The following GALK2 variants were observed in gnomAD, a reference collection of about 807,000 sequenced individuals.
GALK2 encodes N-acetylgalactosamine kinase.
GALK2 carries 36 observed loss-of-function variants against 52.4 expected under a neutral mutation model. That is an observed-to-expected ratio of 0.69 (90% CI 0.53 to 0.91). The LOEUF (loss-of-function observed/expected upper bound fraction) is 0.91, where lower values mean the gene tolerates loss of function less well. Among genes scored for constraint, GALK2 ranks in the 40% least tolerant of loss-of-function variants. The probability of loss-of-function intolerance (pLI) is 0.00; values close to 1 mark genes in which losing one functional copy is unlikely to be tolerated. For missense variants in GALK2, 579 were observed against 559.1 expected, an observed-to-expected ratio of 1.04 and a Z score of -0.36; for synonymous variants, 176 against 199.1, an observed-to-expected ratio of 0.88 and a Z score of 0.98.
intron 3 of GALK2, among the ~76,000 whole-genome samples, chr15:49,343,025 C>T (rs1160371488): frequency 6.6e-6 from 1 of 152,094 alleles, no homozygotes; most frequent in Non-Finnish European, 1.5e-5. Flanking sequence ...TAGTATCTCA[C>T]AGGTGTTCTC....
At chr15:49,265,717 C>G (rs1315422943) in intron 5 of GALK2, among the ~76,000 whole-genome samples, 1 of 152,210 alleles carries the variant, frequency 6.6e-6, no homozygotes, top group Admixed American at 6.5e-5. Context: ...CATCTTTGCT[C>G]CTGCCCCAGT....
At position 49,331,755 on chromosome 15, in the gene GALK2, A is replaced by G; in HGVS notation, c.*3596A>G. The stretch of plus-strand genomic sequence containing the variant: ...AAAAGAAGCTAGAGAGAGAATTCTC[A>G]ATTATTTTCAGAAAGAAAACCTACC... On this transcript the variant is annotated 3_prime_UTR_variant, in exon 10 of 10. Transcript: ENST00000560031. The G allele has an allele frequency of 7.1e-7, 1 of 1,407,146 alleles. No homozygotes were observed. The highest frequency in any genetic ancestry group is 1.0e-6 in the Non-Finnish European group (1 of 991,898). 87.2% of individuals were successfully genotyped at this position (1,407,146 alleles called of 1,614,324 possible). A position where few individuals can be genotyped will look rare whatever the true frequency, so the allele number is the denominator to read the frequency against.
At chr15:49,334,185 CT>C, downstream of GALK2, 2 of 885,652 alleles carry the variant, frequency 2.3e-6, no homozygotes, top group South Asian at 1.0e-4. Context: ...TAAAGATGAT[CT>C]TAAGCACTAC....
At chr15:49,335,482 G>T (rs1001343679), downstream of GALK2, 1 of 1,613,232 alleles carries the variant, frequency 6.2e-7, no homozygotes, top group Non-Finnish European at 8.5e-7. Flanking sequence ...ATCACGGTAT[G>T]TTGGAGCAGG....
At chr15:49,367,582 C>T in exon 4 of GALK2, 1 of 1,598,946 alleles carries the variant, frequency 6.3e-7, no homozygotes, top group Non-Finnish European at 8.5e-7. Context: ...CACGATTAAA[C>T]TCTGGACCAG....
chr15:49,218,864 T>C (rs1224310220), intron 3 of GALK2, among the ~76,000 whole-genome samples: 1 of 152,204 alleles, frequency 6.6e-6, no homozygotes, highest in Admixed American at 6.5e-5. Context: ...CTCACCCTGT[T>C]GCTCAGCCTG....
intron 8 of GALK2, among the ~76,000 whole-genome samples, chr15:49,312,636 A>G (rs1434591296): frequency 6.6e-6 from 1 of 152,162 alleles, no homozygotes; most frequent in African/African-American, 2.4e-5. Context: ...TTGTATACCT[A>G]TATATCCTGT....
Position 49,156,276 on chromosome 15 carries a change from G to T in GALK2, c.20+260G>T. 3 of 490,590 alleles carry T rather than the reference G, an allele frequency of 6.1e-6. No individual in the cohort carries two copies. The South Asian group carries it at 6.5e-5, about 11-fold the overall frequency. 30.4% of individuals were successfully genotyped at this position (490,590 alleles called of 1,614,324 possible). A position where few individuals can be genotyped will look rare whatever the true frequency, so the allele number is the denominator to read the frequency against. On this transcript the variant is annotated intron_variant, in intron 1 of 9. Coordinates refer to the GALK2 transcript ENST00000327171. The stretch of plus-strand genomic sequence containing the variant: ...GACCAAATTAAGGTAACAACGACTG[G>T]TTTTTAAAAAATACATTACTGTGAA...
chr15:49,303,636 C>T (rs1265343648), intron 8 of GALK2, among the ~76,000 whole-genome samples: 1 of 152,190 alleles, frequency 6.6e-6, no homozygotes, highest in Non-Finnish European at 1.5e-5. Context: ...TTTCCTGACC[C>T]TGCCAACTAT....
chr15:49,168,874 A>G (rs756269049), upstream of GALK2, among the ~76,000 whole-genome samples: 1 of 152,110 alleles, frequency 6.6e-6, no homozygotes, highest in Non-Finnish European at 1.5e-5. Flanking sequence ...AATGAACATC[A>G]AACTGGGATT....
rs2032782258 is a variant in GALK2, at chr15:49,282,076, A to T, written c.594A>T (p.Glu198Asp). The change falls in exon 6 of 10, where the codon GAA (glutamate) becomes GAT (aspartate). Residue 198 changes from glutamate to aspartate, a missense_variant. Coordinates refer to ENST00000560031, the MANE Select transcript of GALK2 (RefSeq NM_002044.4). ...GMDQSISFLAEEGTAKLIEFS... is the reference protein window; with the variant it reads ...GMDQSISFLADEGTAKLIEFS... ...ACCAGTCTATATCATTTCTTGCAGA[A>T]GAAGGAACTGTAGGTAGCATTCCAA... is the stretch of plus-strand genomic sequence containing the variant. 2 of 1,610,874 alleles carry T rather than the reference A, an allele frequency of 1.2e-6. No individual in the cohort carries two copies. Among genetic ancestry groups the T allele is most frequent in the Non-Finnish European group, 8.5e-7 (1 of 1,177,232 alleles).
chr15:49,191,864 T>G (rs919739993), intron 1 of GALK2, among the ~76,000 whole-genome samples: 1 of 4,122 alleles, frequency 2.4e-4, no homozygotes, highest in Non-Finnish European at 0.025. Flanking sequence ...TTTTCTGTGT[T>G]TTTTTTTTCC....
In GALK2 at chr15:49,328,335, T is replaced by C; in HGVS notation, c.*176T>C. On this transcript the variant is annotated 3_prime_UTR_variant, in exon 10 of 10. Coordinates refer to ENST00000560031, the MANE Select transcript of GALK2 (RefSeq NM_002044.4). The stretch of plus-strand genomic sequence containing the variant: ...GCTCTCTATGCTTCATAATGATTCT[T>C]TTTCCATCTTAAAATATGGTTTTAC... 5 of 1,430,300 alleles carry C rather than the reference T, an allele frequency of 3.5e-6. No individual in the cohort carries two copies. Among genetic ancestry groups the C allele is most frequent in the Middle Eastern group, 2.6e-4 (1 of 3,878 alleles). 88.6% of individuals were successfully genotyped at this position (1,430,300 alleles called of 1,614,324 possible).
At chr15:49,292,046 G>A (rs1208156946) in intron 7 of GALK2, among the ~76,000 whole-genome samples, 1 of 151,454 alleles carries the variant, frequency 6.6e-6, no homozygotes, top group Non-Finnish European at 1.5e-5. Context: ...GTGGTGACAG[G>A]CCAAAAAAAA....
chr15:49,203,077 GTCTC>G (rs1402814005), intron 2 of GALK2, among the ~76,000 whole-genome samples: 1 of 151,706 alleles, frequency 6.6e-6, no homozygotes, highest in Admixed American at 6.6e-5. Flanking sequence ...TTGAGACAGA[GTCTC>G]TCTCTGTTGC....
chr15:49,361,628 T>C (rs943030275), intron 3 of GALK2, among the ~76,000 whole-genome samples: 1 of 152,210 alleles, frequency 6.6e-6, no homozygotes, highest in East Asian at 1.9e-4. Flanking sequence ...GTACCACGTT[T>C]TCTTTACCTA....
At chr15:49,256,540 C>CT (rs1192684313) in intron 5 of GALK2, among the ~76,000 whole-genome samples, 1 of 152,286 alleles carries the variant, frequency 6.6e-6, no homozygotes, top group East Asian at 1.9e-4. Context: ...CAGTACAGTC[C>CT]TTTCCTCATC....
intron 5 of GALK2, among the ~76,000 whole-genome samples, chr15:49,267,477 A>G (rs747603357): frequency 2.2e-4 from 34 of 152,174 alleles, no homozygotes; most frequent in Non-Finnish European, 4.7e-4. Context: ...AATCGTTGTC[A>G]AGGTCTTCTG....
chr15:49,340,403 G>GCCCCCCCCCCCCCCCCCCCCCC (rs373386438), intron 3 of GALK2, among the ~76,000 whole-genome samples: 2 of 94,378 alleles, frequency 2.1e-5, no homozygotes, highest in African/African-American at 3.9e-5. Context: ...GCAGTGCCCC[G>GCCCCCCCCCCCCCCCCCCCCCC]CCCCCCCCCT....
Sources: gnomAD v4.1 joint callset for allele counts (sites outside exome capture counted in the v4.1 genomes callset) on GRCh38, gnomAD v4.1.1 for gene constraint, MANE v1.5 for transcripts, NCBI Gene and HGNC (gene_info 2026-07-23, HGNC 2026-07-21) for gene names.